Variants in NR2E1 observed in about 807,000 individuals in gnomAD.
NR2E1 encodes the protein nuclear receptor subfamily 2 group E member 1.
In NR2E1, 5 loss-of-function variants were observed where a neutral mutation model predicts 43.6. That is an observed-to-expected ratio of 0.11 (90% CI 0.06 to 0.24). NR2E1 has a LOEUF of 0.24. Among genes scored for constraint, NR2E1 ranks in the 10% least tolerant of loss-of-function variants. The pLI, the probability that NR2E1 is intolerant of heterozygous loss-of-function variation, is 1.00. For missense variants in NR2E1, 287 were observed against 496.7 expected (o/e 0.58, Z 4.01); for synonymous variants, 191 against 195.5 (o/e 0.98, Z 0.19).
intron 2 of NR2E1, 67 bp downstream of exon 2, chr6:108,171,670 A>T: frequency 6.2e-7 from 1 of 1,600,492 alleles, no homozygotes. Flanking sequence ...GTTTGTGCCA[A>T]GGCCTCCTCT....
intron 8 of NR2E1, among the ~76,000 whole-genome samples, chr6:108,183,239 C>T (rs1385374660): frequency 6.6e-6 from 1 of 151,914 alleles, no homozygotes; most frequent in Non-Finnish European, 1.5e-5. Context: ...GGCTCCACAC[C>T]TGTAATCCCA....
At position 108,180,674 on chromosome 6, in the gene NR2E1, C is replaced by T. The variant is rs1773969420; in HGVS notation, c.740-133C>T. The stretch of plus-strand genomic sequence containing the variant: ...TTATATTAACTTTCATACAATATAG[C>T]CGGTTTACATGGAATCAGATATCTT... On this transcript the variant is annotated intron_variant, in intron 6 of 8. Transcript: ENST00000368986. This position sits in a 1 kb window ranked among gnomAD's most constrained non-coding sequence, Gnocchi z 5.4. The T allele has an allele frequency of 2.3e-6, 2 of 874,322 alleles. No individual in the cohort carries two copies. Among genetic ancestry groups the T allele is most frequent in the Non-Finnish European group, 3.7e-6 (2 of 543,450 alleles). The allele number at this position is 874,322 out of a possible 1,614,324, so 54.2% of individuals were successfully genotyped here.
At chr6:108,174,748 C>A in intron 2 of NR2E1, 88 bp from the exon 3 acceptor site, 1 of 1,162,320 alleles carries the variant, frequency 8.6e-7, no homozygotes, top group Non-Finnish European at 1.3e-6. Context: ...AAGGTCGCGC[C>A]TCCACACCGT....
At position 108,180,439 on chromosome 6, in the gene NR2E1, A is replaced by G; in HGVS notation, c.739+20A>G. 6.7e-7 allele frequency: 1 copy of G among 1,492,478 alleles called. No homozygotes were observed. The highest frequency in any genetic ancestry group is 9.4e-7 in the Non-Finnish European group (1 of 1,069,128). 92.5% of individuals were successfully genotyped at this position (1,492,478 alleles called of 1,614,324 possible). ...TATCTGGTAAGAATTGCACAATTTA[A>G]TGACTTTGTTGTAGAAATTACCATA... On this transcript the variant is annotated intron_variant, in intron 6 of 8. Transcript: ENST00000368986. This position sits in a 1 kb window ranked among gnomAD's most constrained non-coding sequence, Gnocchi z 5.4.
chr6:108,172,746 T>C (rs969055153), intron 2 of NR2E1, among the ~76,000 whole-genome samples: 4 of 152,272 alleles, frequency 2.6e-5, no homozygotes, highest in Admixed American at 6.5e-5. Flanking sequence ...TCTGAAGTCA[T>C]GTCTGCTCAT....
At chr6:108,184,521 T>G (rs942570101) in intron 8 of NR2E1, among the ~76,000 whole-genome samples, 6 of 151,188 alleles carry the variant, frequency 4.0e-5, no homozygotes, top group Non-Finnish European at 1.5e-5. Context: ...TCAGAGGGAG[T>G]GAGGGACAAT....
At position 108,177,960 on chromosome 6, in the gene NR2E1, A is replaced by C. The variant is rs995030003; in HGVS notation, c.496-135A>C. ...TTTGATTTTTTTACCCACCAATGTCAACTGCATGTTTAAACAAAACATCCA... is the reference window on the plus strand; with the variant it reads ...TTTGATTTTTTTACCCACCAATGTCCACTGCATGTTTAAACAAAACATCCA... On this transcript the variant is annotated intron_variant, in intron 4 of 8. Transcript: ENST00000368986. The C allele has an allele frequency of 3.3e-6, 3 of 917,544 alleles. No homozygotes were observed. In the African/African-American group the frequency reaches 4.9e-5, roughly 15 times the overall value. 56.8% of individuals were successfully genotyped at this position (917,544 alleles called of 1,614,324 possible).
chr6:108,167,768 A>G (rs1251833039), intron 1 of NR2E1, among the ~76,000 whole-genome samples: 1 of 151,892 alleles, frequency 6.6e-6, no homozygotes, highest in African/African-American at 2.4e-5. Flanking sequence ...TTGTTTTCGC[A>G]GATAGCATTT....
chr6:108,166,759 A>C lies in NR2E1; in HGVS notation c.-7A>C. Reference sequence around the variant, plus strand: ...CCCACCAACCGCTCCGCCCCGGGACAGCCAGCATGAGCAAGCCAGCCGGAT... The same window carrying C: ...CCCACCAACCGCTCCGCCCCGGGACCGCCAGCATGAGCAAGCCAGCCGGAT... On this transcript the variant is annotated 5_prime_UTR_variant, in exon 1 of 9. Coordinates refer to ENST00000368986, the MANE Select transcript of NR2E1 (RefSeq NM_003269.5). This position sits in a 1 kb window ranked among gnomAD's most constrained non-coding sequence, Gnocchi z 7.2. The C allele has an allele frequency of 6.3e-7, 1 of 1,579,488 alleles. No homozygotes were observed. The highest frequency in any genetic ancestry group is 8.6e-7 in the Non-Finnish European group (1 of 1,167,640).
At chr6:108,173,477 G>C (rs1351631760) in intron 2 of NR2E1, among the ~76,000 whole-genome samples, 3 of 152,066 alleles carry the variant, frequency 2.0e-5, no homozygotes, top group Admixed American at 6.5e-5. Context: ...CAGTAATGAG[G>C]ACATTTAGAA....
Position 108,178,087 on chromosome 6 carries a change from C to T in NR2E1, c.496-8C>T. The T allele has an allele frequency of 1.2e-6, 2 of 1,614,146 alleles. No individual in the cohort carries two copies. The highest frequency in any genetic ancestry group is 8.5e-7 in the Non-Finnish European group (1 of 1,180,002). Reference sequence around the variant, plus strand: ...ACTTCCAGGTGTCTTTCTTTCTTCCCTACCCAGTACCCCCATGAAGTGAAT... The same window carrying T: ...ACTTCCAGGTGTCTTTCTTTCTTCCTTACCCAGTACCCCCATGAAGTGAAT... On this transcript the variant is annotated splice_region_variant and splice_polypyrimidine_tract_variant and intron_variant, in intron 4 of 8. Coordinates refer to ENST00000368986, the MANE Select transcript of NR2E1 (RefSeq NM_003269.5).
In NR2E1 at chr6:108,169,768, C is replaced by T. The variant is rs1157563672; in HGVS notation, c.26-1690C>T. 6.6e-6 allele frequency among the ~76,000 whole-genome samples: 1 copy of T among 152,058 alleles called. No individual in the cohort carries two copies. The highest frequency in any genetic ancestry group is 2.4e-5 in the African/African-American group (1 of 41,412). On this transcript the variant is annotated intron_variant, in intron 1 of 8. Transcript: ENST00000368986. The surrounding 1 kb of genome is among the most constrained non-coding windows in gnomAD (Gnocchi z 6.1). Reference sequence around the variant, plus strand: ...CCTCCCTCCCACAGCACAATCTCCCCTCCCGCCCTGTGGGAGGGGGGCGCC... The same window carrying T: ...CCTCCCTCCCACAGCACAATCTCCCTTCCCGCCCTGTGGGAGGGGGGCGCC...
At chr6:108,186,396 G>GCC (rs1333047838) in intron 8 of NR2E1, among the ~76,000 whole-genome samples, 3 of 152,200 alleles carry the variant, frequency 2.0e-5, no homozygotes, top group African/African-American at 7.2e-5. Flanking sequence ...TTATCAGGCA[G>GCC]TTAAACACAG....
At chr6:108,176,059 G>A (rs1430539543) in intron 3 of NR2E1, 1 of 165,902 alleles carries the variant, frequency 6.0e-6, no homozygotes, top group Admixed American at 5.9e-5. Context: ...AGGGAGGCTT[G>A]TTCTTGGACG....
chr6:108,175,192 C>A (rs564874941), intron 3 of NR2E1, among the ~76,000 whole-genome samples: 147 of 152,304 alleles, frequency 9.7e-4, no homozygotes, highest in African/African-American at 3.4e-3. Context: ...TTGGGGGGAC[C>A]CCACTCTCCA....
Position 108,180,902 on chromosome 6 carries a change from C to T in NR2E1, c.835C>T (p.Arg279Trp). The T allele has an allele frequency of 5.0e-6, 8 of 1,614,102 alleles. No homozygotes were observed. Among genetic ancestry groups the T allele is most frequent in the African/African-American group, 1.3e-5 (1 of 75,032 alleles). The change falls in exon 7 of 9, where the codon CGG becomes TGG. Residue 279 changes from arginine (R) to tryptophan (W), a missense_variant. Transcript: ENST00000368986. This position sits in a 1 kb window ranked among gnomAD's most constrained non-coding sequence, Gnocchi z 5.4. Reference protein sequence around the residue: ...QEVVARFRQLRLDATEFACLK... With the variant: ...QEVVARFRQLWLDATEFACLK... Reference sequence around the variant, plus strand: ...GGTGGTGGCTCGATTTAGACAACTCCGGTTAGATGCTACTGAATTTGCCTG... The same window carrying T: ...GGTGGTGGCTCGATTTAGACAACTCTGGTTAGATGCTACTGAATTTGCCTG...
rs1363793229 is a variant in NR2E1 at position 108,176,613 on chromosome 6, G to T, written c.370G>T (p.Ala124Ser). The change falls in exon 4 of 9, where the codon GCG (alanine) becomes TCG (serine). Residue 124 changes from alanine (A) to serine (S), a missense_variant. Around this residue, in one of 4 missense-constraint regions of NR2E1, gnomAD observed 119 missense variants for 155.7 expected, o/e 0.76. Transcript: ENST00000368986. ...GGCCGCCGCGCACTTTCCCTCGGCG[G>T]CGCTCCCTGCGCCGGCCTTCTTCAC... is the stretch of plus-strand genomic sequence containing the variant. ...NGAAAHFPSA[A>S]LPAPAFFTAV... 1 of 1,611,826 alleles carries T rather than the reference G, an allele frequency of 6.2e-7. No individual in the cohort carries two copies. The highest frequency in any genetic ancestry group is 1.7e-5 in the Admixed American group (1 of 59,954).
rs183450926 is a variant in NR2E1 at position 108,180,305 on chromosome 6, A to G, written c.643-18A>G. The G allele has an allele frequency of 1.7e-5, 24 of 1,418,824 alleles. No individual in the cohort carries two copies. Among genetic ancestry groups the G allele is most frequent in the Admixed American group, 3.3e-5 (2 of 59,790 alleles). 87.9% of individuals were successfully genotyped at this position (1,418,824 alleles called of 1,614,324 possible). ...TAAATTACACACTATATTATATTAT[A>G]CATCTATTGTATGACAGCTGATGCT... On this transcript the variant is annotated intron_variant, in intron 5 of 8. Coordinates refer to ENST00000368986, the MANE Select transcript of NR2E1 (RefSeq NM_003269.5). The surrounding 1 kb of genome is among the most constrained non-coding windows in gnomAD (Gnocchi z 5.4).
rs745772977 is a variant in NR2E1 at position 108,178,172 on chromosome 6, A to G, written c.573A>G (p.Arg191=). The change falls in exon 5 of 9, where the codon AGA becomes AGG. Residue 191 remains arginine (R), a synonymous_variant. Coordinates refer to ENST00000368986, the MANE Select transcript of NR2E1 (RefSeq NM_003269.5). The part of the protein sequence containing the change: ...ATESVCESAA[R]LLFMSIKWAK... ...AGTCGGTGTGTGAATCAGCTGCCAG[A>G]CTTCTCTTCATGAGCATCAAGTGGG... 1.2e-6 allele frequency: 2 copies of G among 1,614,148 alleles called. No individual in the cohort carries two copies. Among genetic ancestry groups the G allele is most frequent in the Non-Finnish European group, 1.7e-6 (2 of 1,180,024 alleles).
Sources: allele counts gnomAD v4.1 joint callset (sites outside exome capture counted in the v4.1 genomes callset), GRCh38; gene constraint gnomAD v4.1.1; regional missense constraint gnomAD v4.1.1; non-coding constraint Gnocchi (gnomAD v3.1); transcripts MANE v1.5; gene names NCBI Gene and HGNC (gene_info 2026-07-23, HGNC 2026-07-21).